The following ELMO1 variants were observed in gnomAD, a reference collection of about 807,000 sequenced individuals.
ELMO1 encodes the protein engulfment and cell motility protein 1.
In ELMO1, 26 loss-of-function variants were observed where a neutral mutation model predicts 98.9. That is an observed-to-expected ratio of 0.26 (90% CI 0.19 to 0.36). The LOEUF (loss-of-function observed/expected upper bound fraction) is 0.36. Among genes scored for constraint, ELMO1 ranks in the 10% least tolerant of loss-of-function variants. The pLI, the probability that ELMO1 is intolerant of heterozygous loss-of-function variation, is 1.00. For missense variants in ELMO1, 627 were observed against 935.2 expected (o/e 0.67, Z 4.30); for synonymous variants, 346 against 346.0 (o/e 1.00, Z 0.00).
intron 10 of ELMO1, chr7:37,217,762 G>A (rs886808746): frequency 5.0e-5 from 23 of 456,884 alleles, no homozygotes; most frequent in African/African-American, 1.8e-4. Context: ...TCAACCTAAC[G>A]GCGTCATCGC....
intron 15 of ELMO1, among the ~76,000 whole-genome samples, chr7:37,064,196 C>T (rs746029577): frequency 1.3e-5 from 2 of 152,156 alleles, no homozygotes; most frequent in African/African-American, 2.4e-5. Flanking sequence ...TCTAGACATC[C>T]TGCTCTCACA....
rs556432864 is a variant in ELMO1 at position 36,969,143 on chromosome 7, G to T, written c.1437+44156C>A. The stretch of plus-strand genomic sequence containing the variant: ...TATCAATTCAGTATGTACCTACCTA[G>T]TAGTTGACATGTTAATTATATTATT... On this transcript the variant is annotated intron_variant, in intron 16 of 21. Transcript: ENST00000310758. Among the ~76,000 whole-genome samples the T allele has an allele frequency of 4.1e-3, 617 of 152,024 alleles. 8 individuals are homozygous for T. Among genetic ancestry groups the T allele is most frequent in the African/African-American group, 0.014 (588 of 41,460 alleles).
At chr7:37,257,793 A>C (rs1795756721) in intron 6 of ELMO1, among the ~76,000 whole-genome samples, 1 of 151,048 alleles carries the variant, frequency 6.6e-6, no homozygotes, top group Admixed American at 6.6e-5. Context: ...CGAGGTCAAG[A>C]GATCGAGACC....
chr7:37,377,192 T>C (rs558717209), intron 1 of ELMO1, among the ~76,000 whole-genome samples: 64 of 152,254 alleles, frequency 4.2e-4, no homozygotes, highest in African/African-American at 1.5e-3. Flanking sequence ...AATTCAAAAT[T>C]TGAAGTACAG....
At chr7:37,439,576 T>C (rs1215381450) in intron 1 of ELMO1, among the ~76,000 whole-genome samples, 3 of 152,250 alleles carry the variant, frequency 2.0e-5, no homozygotes. Flanking sequence ...AATGACTGAA[T>C]GAAGCATTAT....
chr7:37,263,307 G>C lies in ELMO1; in HGVS notation c.244-3957C>G, dbSNP rs571506234. Among the ~76,000 whole-genome samples the C allele has an allele frequency of 2.4e-3, 361 of 151,514 alleles. 2 individuals carry two copies. Among genetic ancestry groups the C allele is most frequent in the African/African-American group, 8.3e-3 (343 of 41,366 alleles). ...ATGTATTCTCAGACAAGTCTTTCCAGTTATCCAGTGGAAAGGAATGTTCCT... is the reference window on the plus strand; with the variant it reads ...ATGTATTCTCAGACAAGTCTTTCCACTTATCCAGTGGAAAGGAATGTTCCT... On this transcript the variant is annotated intron_variant, in intron 5 of 21. Coordinates refer to ENST00000310758, the MANE Select transcript of ELMO1 (RefSeq NM_014800.11).
At chr7:36,971,288 T>C (rs980841970) in intron 16 of ELMO1, among the ~76,000 whole-genome samples, 1 of 152,034 alleles carries the variant, frequency 6.6e-6, no homozygotes, top group African/African-American at 2.4e-5. Flanking sequence ...TTTTGGCAGG[T>C]GGTGATAATT....
At chr7:36,858,824 C>A (rs1802399423) in intron 21 of ELMO1, among the ~76,000 whole-genome samples, 1 of 152,158 alleles carries the variant, frequency 6.6e-6, no homozygotes, top group Admixed American at 6.5e-5. Flanking sequence ...AGGGAAAATT[C>A]TTCCCTAGAG....
chr7:37,096,108 C>G (rs951157860), intron 15 of ELMO1, among the ~76,000 whole-genome samples: 1 of 152,168 alleles, frequency 6.6e-6, no homozygotes, highest in Non-Finnish European at 1.5e-5. Flanking sequence ...AAAAATATTG[C>G]TGACCACATT....
At chr7:37,395,039 T>C (rs1046963858) in intron 1 of ELMO1, among the ~76,000 whole-genome samples, 1 of 152,044 alleles carries the variant, frequency 6.6e-6, no homozygotes, top group Non-Finnish European at 1.5e-5. Flanking sequence ...TTTGCAGTAC[T>C]AGAAAGAGAG....
At chr7:37,068,454 T>TC (rs1797099383) in intron 15 of ELMO1, among the ~76,000 whole-genome samples, 1 of 152,180 alleles carries the variant, frequency 6.6e-6, no homozygotes, top group African/African-American at 2.4e-5. Flanking sequence ...CAACATTAAT[T>TC]CCCAGGACAT....
chr7:37,378,102 G>A (rs1198480712), intron 1 of ELMO1, among the ~76,000 whole-genome samples: 1 of 152,178 alleles, frequency 6.6e-6, no homozygotes, highest in Non-Finnish European at 1.5e-5. Context: ...TACAACCCAA[G>A]TTCAGAAACA....
chr7:36,938,786 C>T (rs914802138), intron 16 of ELMO1, among the ~76,000 whole-genome samples: 1 of 151,874 alleles, frequency 6.6e-6, no homozygotes, highest in Non-Finnish European at 1.5e-5. Flanking sequence ...TCAATGGCTA[C>T]CTAGAATGTA....
At chr7:37,166,536 T>A (rs1195600612) in intron 13 of ELMO1, among the ~76,000 whole-genome samples, 1 of 152,088 alleles carries the variant, frequency 6.6e-6, no homozygotes, top group African/African-American at 2.4e-5. Flanking sequence ...TGGTATGTTG[T>A]GTCTTTGTTC....
At chr7:37,112,931 G>A (rs938067359) in intron 14 of ELMO1, among the ~76,000 whole-genome samples, 2 of 152,148 alleles carry the variant, frequency 1.3e-5, no homozygotes, top group African/African-American at 4.8e-5. Context: ...CTTCTGATTT[G>A]GTAGGCAGGT....
intron 1 of ELMO1, among the ~76,000 whole-genome samples, chr7:37,368,423 C>T (rs1382755696): frequency 2.0e-5 from 3 of 152,088 alleles, no homozygotes; most frequent in Non-Finnish European, 2.9e-5. Context: ...CATCACAATA[C>T]GGAGCTTTGG....
At chr7:37,023,865 T>C (rs145762594) in intron 15 of ELMO1, among the ~76,000 whole-genome samples, 28 of 152,300 alleles carry the variant, frequency 1.8e-4, no homozygotes, top group African/African-American at 6.7e-4. Flanking sequence ...ATTACAGGCA[T>C]GAGCCACCGG....
intron 13 of ELMO1, among the ~76,000 whole-genome samples, chr7:37,182,852 G>A (rs898573579): frequency 1.3e-5 from 2 of 152,172 alleles, no homozygotes; most frequent in African/African-American, 4.8e-5. Context: ...GCTGCAAGAA[G>A]AGTGTGTCAA....
At chr7:37,227,171 C>T (rs921814408) in intron 8 of ELMO1, among the ~76,000 whole-genome samples, 3 of 152,124 alleles carry the variant, frequency 2.0e-5, no homozygotes, top group East Asian at 1.9e-4. Context: ...GACATGTCTC[C>T]GTTTTGATAC....
Sources: allele counts gnomAD v4.1 joint callset (sites outside exome capture counted in the v4.1 genomes callset), GRCh38; gene constraint gnomAD v4.1.1; transcripts MANE v1.5; gene names NCBI Gene and HGNC (gene_info 2026-07-23, HGNC 2026-07-21).